The following TRPM3 variants were observed in gnomAD, a reference collection of about 807,000 sequenced individuals.
The protein encoded by TRPM3 is transient receptor potential cation channel subfamily M member 3.
A neutral mutation model predicts 181.2 loss-of-function variants in TRPM3; 77 were observed. The ratio of observed to expected loss-of-function variants is 0.42; its 90% CI spans 0.35 to 0.51. The LOEUF (loss-of-function observed/expected upper bound fraction) is 0.51. TRPM3 is among the 20% of genes least tolerant of loss of function. The pLI is 0.01. For synonymous variants in TRPM3, 745 were observed against 796.4 expected (o/e 0.94, Z 1.09); for missense variants, 1,759 against 2,196.7 (o/e 0.80, Z 3.98).
chr9:70,552,468 A>G (rs1362725990), intron 24 of TRPM3, among the ~76,000 whole-genome samples: 2 of 152,106 alleles, frequency 1.3e-5, no homozygotes, highest in Non-Finnish European at 2.9e-5. Context: ...TCCAGAAGTT[A>G]TTGCTTAAAT....
At chr9:70,789,343 T>G (rs1588375121) in intron 6 of TRPM3, among the ~76,000 whole-genome samples, 2 of 152,306 alleles carry the variant, frequency 1.3e-5, no homozygotes, top group Admixed American at 1.3e-4. Context: ...GTAAGTTCCT[T>G]TGAAGAGCCT....
chr9:70,573,972 T>TCACA (rs59193514), intron 22 of TRPM3, among the ~76,000 whole-genome samples: 11,193 of 140,750 alleles, frequency 0.08, 456 homozygotes, highest in Middle Eastern at 0.1. Flanking sequence ...GCAATTCATT[T>TCACA]CACACACACA....
At chr9:70,916,770 A>G (rs969624575) in intron 1 of TRPM3, among the ~76,000 whole-genome samples, 1 of 151,334 alleles carries the variant, frequency 6.6e-6, no homozygotes. Flanking sequence ...ACTTTGTTAT[A>G]TGGAAAAATG....
At chr9:70,872,318 A>C (rs964339908) in intron 1 of TRPM3, among the ~76,000 whole-genome samples, 1 of 151,934 alleles carries the variant, frequency 6.6e-6, no homozygotes. Flanking sequence ...TGAGGTGTCA[A>C]GCAGGAAGGA....
chr9:71,432,159 A>G (rs113209276), intron 1 of TRPM3, among the ~76,000 whole-genome samples: 13 of 152,132 alleles, frequency 8.5e-5, no homozygotes, highest in African/African-American at 2.4e-4. Flanking sequence ...GAATTACCTC[A>G]CTGCTCACAT....
Position 70,906,620 on chromosome 9 carries a change from A to T in TRPM3, c.178-42109T>A, listed in dbSNP as rs544049971. ...TAAAAATGATCTTTTAAAAAAGTAC[A>T]GGCTGGGCATAGTTGCTCATGCCTG... On this transcript the variant is annotated intron_variant, in intron 1 of 25. Coordinates refer to ENST00000677713, the MANE Select transcript of TRPM3 (RefSeq NM_001366145.2). Among the ~76,000 whole-genome samples the T allele has an allele frequency of 1.3e-5, 2 of 152,170 alleles. 1 individual carries two copies. Among genetic ancestry groups the T allele is most frequent in the East Asian group, 3.8e-4 (2 of 5,204 alleles).
intron 1 of TRPM3, among the ~76,000 whole-genome samples, chr9:71,395,326 C>A (rs2093164371): frequency 6.6e-6 from 1 of 152,192 alleles, no homozygotes; most frequent in Non-Finnish European, 1.5e-5. Flanking sequence ...AAATGTTTTG[C>A]CTTCCTCAGC....
intron 1 of TRPM3, among the ~76,000 whole-genome samples, chr9:71,328,367 C>T (rs1424570119): frequency 3.3e-5 from 5 of 152,022 alleles, no homozygotes; most frequent in Non-Finnish European, 5.9e-5. Flanking sequence ...GGGGTTTCAC[C>T]GTGTTAGCCA....
intron 1 of TRPM3, among the ~76,000 whole-genome samples, chr9:71,391,936 A>G (rs1209251044): frequency 6.6e-6 from 1 of 152,128 alleles, no homozygotes; most frequent in Non-Finnish European, 1.5e-5. Flanking sequence ...AAGGCATAAA[A>G]CAGTATGATC....
At chr9:71,337,177 T>C (rs930075914) in intron 1 of TRPM3, among the ~76,000 whole-genome samples, 2 of 151,074 alleles carry the variant, frequency 1.3e-5, no homozygotes, top group Non-Finnish European at 3.0e-5. Flanking sequence ...ACCTACAGAA[T>C]GGAAGCCCAT....
intron 1 of TRPM3, among the ~76,000 whole-genome samples, chr9:71,333,072 G>T (rs1310926391): frequency 6.6e-6 from 1 of 151,754 alleles, no homozygotes; most frequent in Non-Finnish European, 1.5e-5. Flanking sequence ...GGTAGAGAAG[G>T]GAAGAATTTT....
At chr9:71,289,154 A>G (rs957469371) in intron 1 of TRPM3, among the ~76,000 whole-genome samples, 2 of 144,890 alleles carry the variant, frequency 1.4e-5, no homozygotes, top group African/African-American at 5.3e-5. Context: ...ATGTAACAAA[A>G]CAGTGAGAGA....
chr9:71,423,906 G>C (rs866361414), intron 1 of TRPM3, among the ~76,000 whole-genome samples: 1 of 152,036 alleles, frequency 6.6e-6, no homozygotes, highest in South Asian at 2.1e-4. Context: ...TTTTTCATCT[G>C]CTTTTCTTCC....
At chr9:70,539,708 A>G (rs2042775179) in intron 25 of TRPM3, among the ~76,000 whole-genome samples, 1 of 152,226 alleles carries the variant, frequency 6.6e-6, no homozygotes, top group South Asian at 2.1e-4. Flanking sequence ...CCCAAGAAAC[A>G]AAATTACTTA....
chr9:70,898,787 GAA>G (rs1200666996), intron 1 of TRPM3, among the ~76,000 whole-genome samples: 3 of 146,092 alleles, frequency 2.1e-5, no homozygotes, highest in Non-Finnish European at 4.6e-5. Flanking sequence ...GAAAAGAAAA[GAA>G]AGAAAAAATT....
rs528338200 is a variant in TRPM3, at chr9:71,381,880, G to A, written c.183+64773C>T. On this transcript the variant is annotated intron_variant, in intron 1 of 24. Transcript: ENST00000357533. ...TCCCCAGCACCTAAAGAAGGGCCTG[G>A]GTTCAGCAAATGTTAATGGATTAAT... is the stretch of plus-strand genomic sequence containing the variant. Among the ~76,000 whole-genome samples the A allele has an allele frequency of 4.4e-4, 67 of 152,172 alleles. 1 individual carries two copies. Among genetic ancestry groups the A allele is most frequent in the African/African-American group, 1.6e-3 (67 of 41,536 alleles).
In TRPM3 at chr9:71,204,281, C is replaced by A. The variant is rs200484326; in HGVS notation, c.183+242372G>T. ...ACCATCAGAGTGAACAGGCAACCTACAGAATGGGAGAAAATTTTTGCAACC... is the reference window on the plus strand; with the variant it reads ...ACCATCAGAGTGAACAGGCAACCTAAAGAATGGGAGAAAATTTTTGCAACC... On this transcript the variant is annotated intron_variant, in intron 1 of 24. Coordinates refer to the TRPM3 transcript ENST00000357533. 3.1e-3 allele frequency among the ~76,000 whole-genome samples: 474 copies of A among 151,042 alleles called. 16 individuals are homozygous for A. In the East Asian group the frequency reaches 0.075, roughly 24 times the overall value.
At chr9:71,046,159 G>A (rs1473766833) in intron 1 of TRPM3, among the ~76,000 whole-genome samples, 3 of 151,922 alleles carry the variant, frequency 2.0e-5, no homozygotes, top group African/African-American at 4.8e-5. Flanking sequence ...CTAATTTTTT[G>A]TATTTTTAGT....
intron 1 of TRPM3, among the ~76,000 whole-genome samples, chr9:71,270,947 T>C (rs2083742451): frequency 6.6e-6 from 1 of 152,184 alleles, no homozygotes; most frequent in Admixed American, 6.5e-5. Flanking sequence ...GTGCACCATC[T>C]TGGAAGCAGA....
Sources: gnomAD v4.1 joint callset for allele counts (sites outside exome capture counted in the v4.1 genomes callset) on GRCh38, gnomAD v4.1.1 for gene constraint, MANE v1.5 for transcripts, NCBI Gene and HGNC (gene_info 2026-07-23, HGNC 2026-07-21) for gene names.